The following CEP63 variants were observed in gnomAD, a reference collection of about 807,000 sequenced individuals.
CEP63 encodes centrosomal protein of 63 kDa.
CEP63 carries 84 observed loss-of-function variants against 89.1 expected under a neutral mutation model. That is an observed-to-expected ratio of 0.94 (90% CI 0.79 to 1.13). CEP63 has a LOEUF of 1.13. Among genes scored for constraint, CEP63 ranks in the 50% most tolerant of loss-of-function variants. CEP63 has a pLI of 0.00. For synonymous variants in CEP63, 267 were observed against 272.5 expected (o/e 0.98, Z 0.20); for missense variants, 838 against 813.3 (o/e 1.03, Z -0.37).
intron 6 of CEP63, among the ~76,000 whole-genome samples, chr3:134,543,321 G>C (rs896680076): frequency 6.6e-6 from 1 of 152,108 alleles, no homozygotes; most frequent in Non-Finnish European, 1.5e-5. Flanking sequence ...CAATATCCGC[G>C]TGTGGGTGAC....
rs779421476 is a variant in CEP63, at chr3:134,561,413, A to G, written c.1990A>G (p.Thr664Ala). 4 of 1,613,914 alleles carry G rather than the reference A, an allele frequency of 2.5e-6. No homozygotes were observed. The highest frequency in any genetic ancestry group is 3.4e-6 in the Non-Finnish European group (4 of 1,179,936). ...TGTATCTCCCCTTGGTTCAATAGCT[A>G]CCAGATTTTTGGAAGAGGAGGAACT... Reference protein sequence around the residue: ...LPVSPLGSIATRFLEEEELRS... With the variant: ...LPVSPLGSIAARFLEEEELRS... The change falls in exon 15 of 15, where the codon ACC becomes GCC. Residue 664 changes from threonine to alanine, a missense_variant. Transcript: ENST00000675561.
At chr3:134,716,379 T>G in the CEP63 span, among the ~76,000 whole-genome samples, 1 of 152,240 alleles carries the variant, frequency 6.6e-6, no homozygotes, top group Non-Finnish European at 1.5e-5. Flanking sequence ...GTCTGGCTCT[T>G]TCTGACATCA....
chr3:134,592,891 G>A, the CEP63 span, among the ~76,000 whole-genome samples: 1 of 152,008 alleles, frequency 6.6e-6, no homozygotes, highest in African/African-American at 2.4e-5. Context: ...GTATATTGCA[G>A]TTGCTCCTAC....
chr3:134,698,823 C>A, the CEP63 span, among the ~76,000 whole-genome samples: 5 of 152,206 alleles, frequency 3.3e-5, no homozygotes, highest in South Asian at 1.0e-3. Context: ...CTTCATTCAT[C>A]CATCGTTTCA....
At chr3:134,520,212 C>G (rs1012309157) in intron 3 of CEP63, among the ~76,000 whole-genome samples, 3 of 152,030 alleles carry the variant, frequency 2.0e-5, no homozygotes, top group African/African-American at 7.2e-5. Context: ...ACAGAATTAA[C>G]AAATGAAATA....
At chr3:134,496,738 C>T (rs1006180544) in intron 2 of CEP63, among the ~76,000 whole-genome samples, 1 of 152,198 alleles carries the variant, frequency 6.6e-6, no homozygotes, top group African/African-American at 2.4e-5. Flanking sequence ...TCCCTGTGGG[C>T]ATGATGTCTT....
chr3:134,603,872 A>T, the CEP63 span: 2 of 1,614,048 alleles, frequency 1.2e-6, no homozygotes, highest in Non-Finnish European at 1.7e-6. Flanking sequence ...AACATGGGCC[A>T]GTTCACCTTG....
At chr3:134,576,528 A>T (rs1275285075), downstream of CEP63, among the ~76,000 whole-genome samples, 1 of 152,232 alleles carries the variant, frequency 6.6e-6, no homozygotes. Flanking sequence ...AGTGAGGCCC[A>T]GTGAAATGAG....
At chr3:134,723,734 G>C in the CEP63 span, among the ~76,000 whole-genome samples, 1 of 152,122 alleles carries the variant, frequency 6.6e-6, no homozygotes, top group African/African-American at 2.4e-5. Flanking sequence ...AGCAATCTTG[G>C]AGCAGCTCTC....
chr3:134,760,915 C>T, the CEP63 span, among the ~76,000 whole-genome samples: 4 of 151,854 alleles, frequency 2.6e-5, no homozygotes, highest in Non-Finnish European at 5.9e-5. Context: ...CCACAGAGCA[C>T]TTCCCCTGAC....
intron 3 of CEP63, among the ~76,000 whole-genome samples, chr3:134,527,501 C>T (rs982848584): frequency 1.3e-4 from 20 of 152,148 alleles, no homozygotes; most frequent in Admixed American, 2.0e-4. Flanking sequence ...GGGAAATGAA[C>T]TGCACTCCCG....
At chr3:134,664,797 A>T in the CEP63 span, among the ~76,000 whole-genome samples, 2 of 151,932 alleles carry the variant, frequency 1.3e-5, no homozygotes, top group Non-Finnish European at 2.9e-5. Flanking sequence ...CATCTGAGTA[A>T]TGGGTATATT....
the CEP63 span, among the ~76,000 whole-genome samples, chr3:134,735,664 A>G: frequency 6.6e-6 from 1 of 152,168 alleles, no homozygotes; most frequent in Non-Finnish European, 1.5e-5. Flanking sequence ...CCACAAAAGC[A>G]CCACAAATAT....
chr3:134,541,976 C>A (rs1339097552), intron 6 of CEP63, among the ~76,000 whole-genome samples: 2 of 152,086 alleles, frequency 1.3e-5, no homozygotes, highest in South Asian at 4.1e-4. Flanking sequence ...AAACTAAGGT[C>A]ATTTCTGTTT....
Position 134,564,682 on chromosome 3 carries a change from T to C in CEP63, c.*3147T>C, listed in dbSNP as rs1681631739. ...CTGAAAATATATATTTGAAAGGGCT[T>C]TGCAGTTTTAAGTACTGTACCTATG... On this transcript the variant is annotated 3_prime_UTR_variant, in exon 15 of 15. Transcript: ENST00000675561. 1 of 985,398 alleles carries C rather than the reference T, an allele frequency of 1.0e-6. No individual in the cohort carries two copies. The highest frequency in any genetic ancestry group is 1.2e-6 in the Non-Finnish European group (1 of 829,880). The allele number at this position is 985,398 out of a possible 1,614,324, so 61.0% of individuals were successfully genotyped here.
the CEP63 span, among the ~76,000 whole-genome samples, chr3:134,687,255 C>T: frequency 6.6e-6 from 1 of 152,346 alleles, no homozygotes; most frequent in African/African-American, 2.4e-5. Flanking sequence ...TGATACTCAG[C>T]AAGTGTGCCT....
intron 3 of CEP63, among the ~76,000 whole-genome samples, chr3:134,517,034 C>A (rs1039044655): frequency 6.6e-6 from 1 of 152,180 alleles, no homozygotes; most frequent in Non-Finnish European, 1.5e-5. Flanking sequence ...CTCAGAGAGA[C>A]GATTCTGAAA....
the CEP63 span, among the ~76,000 whole-genome samples, chr3:134,696,142 T>C: frequency 2.0e-5 from 3 of 152,212 alleles, no homozygotes; most frequent in Non-Finnish European, 4.4e-5. Flanking sequence ...CTTGCCACCC[T>C]TAATATATGA....
At chr3:134,643,178 G>A in the CEP63 span, 2 of 708,438 alleles carry the variant, frequency 2.8e-6, no homozygotes, top group East Asian at 5.4e-5. Context: ...GAGGAAAAGG[G>A]TTTTCCAACA....
Sources: allele counts gnomAD v4.1 joint callset (sites outside exome capture counted in the v4.1 genomes callset), GRCh38; gene constraint gnomAD v4.1.1; transcripts MANE v1.5; gene names NCBI Gene and HGNC (gene_info 2026-07-23, HGNC 2026-07-21).